Variants in BMPER observed in about 807,000 individuals in gnomAD.
BMPER encodes BMP-binding endothelial regulator protein.
Under a neutral mutation model 87.3 loss-of-function variants are expected in BMPER, and 45 were observed. The ratio of observed to expected loss-of-function variants is 0.52; its 90% CI spans 0.41 to 0.66. The LOEUF is 0.66. BMPER is among the 30% of genes least tolerant of loss of function. BMPER has a pLI of 0.00. For missense variants in BMPER, 784 were observed against 867.5 expected (o/e 0.90, Z 1.21); for synonymous variants, 326 against 316.2 (o/e 1.03, Z -0.33).
intron 3 of BMPER, among the ~76,000 whole-genome samples, chr7:33,948,455 C>T (rs1784939965): frequency 6.6e-6 from 1 of 152,130 alleles, no homozygotes; most frequent in Admixed American, 6.5e-5. Flanking sequence ...TTCTGACTCC[C>T]ACTGTCCCAT....
upstream of BMPER, chr7:33,905,464 C>A (rs568686306): frequency 4.1e-5 from 28 of 678,392 alleles, 1 homozygote; most frequent in South Asian, 2.8e-4. Flanking sequence ...CACACCCCCC[C>A]GCCCCCCAGC....
At chr7:34,135,177 A>G (rs1790689668) in intron 13 of BMPER, among the ~76,000 whole-genome samples, 1 of 152,198 alleles carries the variant, frequency 6.6e-6, no homozygotes, top group African/African-American at 2.4e-5. Context: ...GCAGGCAATC[A>G]AGTAAGAGAT....
chr7:33,988,772 C>A (rs1348757686), intron 6 of BMPER, among the ~76,000 whole-genome samples: 4 of 112,660 alleles, frequency 3.6e-5, no homozygotes, highest in Non-Finnish European at 3.5e-5. Context: ...CCCCTCCCCC[C>A]ACCCCACAAC....
chr7:33,905,149 G>A (rs1783773469), upstream of BMPER: 1 of 202,026 alleles, frequency 4.9e-6, no homozygotes, highest in South Asian at 8.6e-5. Context: ...CAGGAGGTGA[G>A]GAGTGCGGGA....
At chr7:33,974,066 T>C (rs2128619609) in intron 5 of BMPER, among the ~76,000 whole-genome samples, 1 of 152,280 alleles carries the variant, frequency 6.6e-6, no homozygotes, top group Middle Eastern at 3.4e-3. Context: ...CCTTCTTGCC[T>C]TTGTACCTGG....
chr7:34,145,124 C>G (rs1344373172), intron 14 of BMPER, among the ~76,000 whole-genome samples: 2 of 152,154 alleles, frequency 1.3e-5, no homozygotes, highest in Non-Finnish European at 2.9e-5. Flanking sequence ...GCCTTGTGTA[C>G]CTTTTAAAAC....
intron 9 of BMPER, among the ~76,000 whole-genome samples, chr7:34,057,767 G>A (rs565121344): frequency 5.9e-4 from 90 of 151,964 alleles, no homozygotes; most frequent in Admixed American, 1.5e-3. Context: ...AACAATGCAT[G>A]ACAACAAGAC....
At position 33,911,876 on chromosome 7, in the gene BMPER, A is replaced by G. The variant is rs189231458; in HGVS notation, c.219+4973A>G. 9.2e-5 allele frequency among the ~76,000 whole-genome samples: 14 copies of G among 152,302 alleles called. No individual in the cohort carries two copies. In the East Asian group the frequency reaches 2.7e-3, roughly 29 times the overall value. On this transcript the variant is annotated intron_variant, in intron 2 of 14. Transcript: ENST00000649409. ...TTTTTAAAAATTCTTATTTCCTCAT[A>G]TGGAATAGGATGCAAAATTTCAAAA... is the stretch of plus-strand genomic sequence containing the variant.
At chr7:34,008,645 G>A (rs1360754131) in intron 6 of BMPER, among the ~76,000 whole-genome samples, 1 of 151,736 alleles carries the variant, frequency 6.6e-6, no homozygotes, top group Non-Finnish European at 1.5e-5. Flanking sequence ...TTTAATTCTT[G>A]TAAAACTGCT....
chr7:34,069,216 G>A (rs1041485786), intron 11 of BMPER, among the ~76,000 whole-genome samples: 6 of 152,060 alleles, frequency 3.9e-5, no homozygotes, highest in Admixed American at 2.6e-4. Context: ...ACAGCTAAAC[G>A]ACAAAACAAA....
intron 13 of BMPER, among the ~76,000 whole-genome samples, chr7:34,088,395 TC>T (rs1789280569): frequency 6.6e-6 from 1 of 152,058 alleles, no homozygotes; most frequent in Admixed American, 6.5e-5. Context: ...ATCCTGTTTC[TC>T]CCCCTTATTT....
intron 13 of BMPER, among the ~76,000 whole-genome samples, chr7:34,098,818 C>T (rs1789602474): frequency 6.6e-6 from 1 of 152,108 alleles, no homozygotes; most frequent in Non-Finnish European, 1.5e-5. Flanking sequence ...GTTTTGTGGC[C>T]ACTACTAGAA....
At chr7:34,065,233 T>TCTCTCTCTCC (rs1788551409) in intron 11 of BMPER, among the ~76,000 whole-genome samples, 1 of 147,398 alleles carries the variant, frequency 6.8e-6, no homozygotes, top group African/African-American at 2.6e-5. Context: ...TCTCTCTCTC[T>TCTCTCTCTCC]CTCTCTCTCT....
intron 7 of BMPER, among the ~76,000 whole-genome samples, chr7:34,050,223 T>G (rs1028251145): frequency 6.6e-6 from 1 of 152,176 alleles, no homozygotes; most frequent in Admixed American, 6.5e-5. Flanking sequence ...ATGAAAGAGT[T>G]TTTGGTTGTA....
intron 14 of BMPER, among the ~76,000 whole-genome samples, chr7:34,151,084 G>C (rs898984212): frequency 6.6e-6 from 1 of 152,140 alleles, no homozygotes; most frequent in African/African-American, 2.4e-5. Context: ...AATGGCACCA[G>C]ATCAAGGCAC....
chr7:33,922,431 C>A (rs1321810912), intron 2 of BMPER, among the ~76,000 whole-genome samples: 1 of 152,200 alleles, frequency 6.6e-6, no homozygotes, highest in East Asian at 1.9e-4. Flanking sequence ...CTCCTCCACG[C>A]AGCATGGCAG....
intron 10 of BMPER, among the ~76,000 whole-genome samples, chr7:34,060,247 C>T (rs963689169): frequency 3.3e-5 from 5 of 152,016 alleles, no homozygotes; most frequent in African/African-American, 4.8e-5. Context: ...ATGGAAGTTT[C>T]CACCGAGATG....
At chr7:34,098,899 G>A (rs1402620438) in intron 13 of BMPER, among the ~76,000 whole-genome samples, 3 of 152,186 alleles carry the variant, frequency 2.0e-5, no homozygotes, top group East Asian at 1.9e-4. Flanking sequence ...GAGAATAAAA[G>A]ATCAGATGTC....
At chr7:33,937,502 A>G (rs1415119529) in intron 3 of BMPER, 114 bp downstream of exon 3, 27 of 825,912 alleles carry the variant, frequency 3.3e-5, no homozygotes, top group Non-Finnish European at 5.0e-5. Flanking sequence ...ATGGGTGGGG[A>G]GGAGAAGTAG....
Sources: allele counts gnomAD v4.1 joint callset (sites outside exome capture counted in the v4.1 genomes callset), GRCh38; gene constraint gnomAD v4.1.1; transcripts MANE v1.5; gene names NCBI Gene and HGNC (gene_info 2026-07-23, HGNC 2026-07-21).